TRPM3: variants seen among roughly 807,000 people sequenced by gnomAD.
TRPM3 encodes long transient receptor potential channel 3.
Under a neutral mutation model 181.2 loss-of-function variants are expected in TRPM3, and 77 were observed. The observed-to-expected ratio is 0.42, with a 90% CI of 0.35 to 0.51. TRPM3 has a LOEUF of 0.51. Ranked by LOEUF, TRPM3 falls within the 20% of genes least tolerant of loss-of-function variation. TRPM3 has a pLI of 0.01. For missense variants in TRPM3, 1,759 were observed against 2,196.7 expected (o/e 0.80, Z 3.98); for synonymous variants, 745 against 796.4 (o/e 0.94, Z 1.09).
chr9:70,840,263 T>C (rs2094555536), intron 5 of TRPM3, among the ~76,000 whole-genome samples: 1 of 152,156 alleles, frequency 6.6e-6, no homozygotes, highest in African/African-American at 2.4e-5. Flanking sequence ...AGTTCCCTAG[T>C]TTTAAGGGAA....
chr9:71,017,582 G>T (rs1372141633), intron 1 of TRPM3, among the ~76,000 whole-genome samples: 1 of 151,634 alleles, frequency 6.6e-6, no homozygotes, highest in Non-Finnish European at 1.5e-5. Flanking sequence ...GACAAAATAG[G>T]ATTTAAGGCA....
chr9:71,116,161 A>C (rs1000515303), intron 1 of TRPM3, among the ~76,000 whole-genome samples: 1 of 152,148 alleles, frequency 6.6e-6, no homozygotes, highest in Non-Finnish European at 1.5e-5. Context: ...AGTCCATTAC[A>C]AATATCCTGG....
chr9:70,976,394 C>T (rs2097303146), intron 1 of TRPM3, among the ~76,000 whole-genome samples: 1 of 152,176 alleles, frequency 6.6e-6, no homozygotes, highest in African/African-American at 2.4e-5. Flanking sequence ...TGAGTGTTCC[C>T]TGGACACCAG....
chr9:70,805,534 G>GAAAA (rs534322844), intron 6 of TRPM3, among the ~76,000 whole-genome samples: 5 of 82,696 alleles, frequency 6.0e-5, no homozygotes, highest in Non-Finnish European at 8.3e-5. Flanking sequence ...ACTCCATCTC[G>GAAAA]AAAAAAAAAA....
intron 1 of TRPM3, among the ~76,000 whole-genome samples, chr9:71,421,067 T>A (rs919482339): frequency 2.0e-5 from 3 of 150,058 alleles, no homozygotes; most frequent in African/African-American, 4.9e-5. Context: ...TGCAGCAACA[T>A]GGACACAGCT....
intron 1 of TRPM3, among the ~76,000 whole-genome samples, chr9:71,287,774 C>A (rs1194235965): frequency 2.0e-5 from 3 of 152,050 alleles, no homozygotes; most frequent in Non-Finnish European, 2.9e-5. Context: ...TTTTCATTAA[C>A]CCATTTAATA....
chr9:70,913,530 G>C (rs1007596331), intron 1 of TRPM3, among the ~76,000 whole-genome samples: 1 of 152,164 alleles, frequency 6.6e-6, no homozygotes, highest in Non-Finnish European at 1.5e-5. Flanking sequence ...AACTACCAGA[G>C]GGAAAAGCTG....
chr9:70,851,313 A>G (rs1385462673), intron 3 of TRPM3, among the ~76,000 whole-genome samples: 1 of 152,260 alleles, frequency 6.6e-6, no homozygotes. Flanking sequence ...ATTAACTCAC[A>G]TAGTGTGAAG....
intron 6 of TRPM3, among the ~76,000 whole-genome samples, chr9:70,822,158 G>T (rs1455570517): frequency 6.6e-6 from 1 of 152,162 alleles, no homozygotes; most frequent in Non-Finnish European, 1.5e-5. Context: ...CCACATCTGT[G>T]CCCGTAATTC....
At chr9:70,778,875 C>T (rs2130756819) in intron 7 of TRPM3, among the ~76,000 whole-genome samples, 1 of 152,290 alleles carries the variant, frequency 6.6e-6, no homozygotes. Flanking sequence ...CTAGGGATTA[C>T]AGACTACACT....
intron 1 of TRPM3, among the ~76,000 whole-genome samples, chr9:71,338,243 C>T (rs1897259): frequency 0.95 from 144,212 of 152,054 alleles, 68,532 homozygotes; most frequent in Non-Finnish European, 0.98. Flanking sequence ...TTAGAGTAAG[C>T]GCAAGCCTGA....
intron 9 of TRPM3, among the ~76,000 whole-genome samples, chr9:70,669,923 C>T (rs1041853593): frequency 1.3e-5 from 2 of 151,976 alleles, no homozygotes; most frequent in Admixed American, 1.3e-4. Flanking sequence ...TTTTTGTAGA[C>T]ATGGCATATC....
chr9:70,890,444 A>C (rs898416846), intron 1 of TRPM3, among the ~76,000 whole-genome samples: 1 of 152,150 alleles, frequency 6.6e-6, no homozygotes, highest in African/African-American at 2.4e-5. Context: ...CCAGAATTGC[A>C]GAACATAAAT....
intron 1 of TRPM3, among the ~76,000 whole-genome samples, chr9:71,188,647 C>T (rs944790823): frequency 6.6e-6 from 1 of 151,804 alleles, no homozygotes; most frequent in Non-Finnish European, 1.5e-5. Flanking sequence ...TCTCAATTAC[C>T]TACTGCCCTA....
At chr9:71,341,122 TA>T (rs563629813) in intron 1 of TRPM3, among the ~76,000 whole-genome samples, 16 of 152,068 alleles carry the variant, frequency 1.1e-4, no homozygotes, top group East Asian at 1.9e-4. Flanking sequence ...GGAACTCTTA[TA>T]AAAAAAATTT....
chr9:70,684,470 AG>A (rs1253492088), intron 8 of TRPM3, among the ~76,000 whole-genome samples: 4 of 152,146 alleles, frequency 2.6e-5, no homozygotes, highest in African/African-American at 9.7e-5. Flanking sequence ...CCAAAGAGAA[AG>A]TTACATTATA....
chr9:71,008,913 G>T (rs995991214), intron 1 of TRPM3, among the ~76,000 whole-genome samples: 1 of 152,200 alleles, frequency 6.6e-6, no homozygotes, highest in Non-Finnish European at 1.5e-5. Context: ...TGCAAGGATG[G>T]TTCAAAATAT....
At chr9:70,803,451 G>GTTTTTTTTT (rs36024262) in intron 6 of TRPM3, among the ~76,000 whole-genome samples, 1 of 125,328 alleles carries the variant, frequency 8.0e-6, no homozygotes, top group African/African-American at 3.0e-5. Flanking sequence ...CGTTTTTGTT[G>GTTTTTTTTT]TTTTTTTTTT....
chr9:71,254,214 G>A (rs969148572), intron 1 of TRPM3, among the ~76,000 whole-genome samples: 4 of 152,114 alleles, frequency 2.6e-5, no homozygotes, highest in Non-Finnish European at 5.9e-5. Context: ...CACTGCGCCT[G>A]GCTGGATAAC....
Sources: gnomAD v4.1 joint callset for allele counts (sites outside exome capture counted in the v4.1 genomes callset) on GRCh38, gnomAD v4.1.1 for gene constraint, MANE v1.5 for transcripts, NCBI Gene and HGNC (gene_info 2026-07-23, HGNC 2026-07-21) for gene names.